PCLO: variants seen among roughly 807,000 people sequenced by gnomAD.
PCLO encodes piccolo presynaptic cytomatrix protein.
PCLO carries 82 observed loss-of-function variants against 427.5 expected under a neutral mutation model. That is an observed-to-expected ratio of 0.19 (90% CI 0.16 to 0.23). PCLO has a LOEUF of 0.23. PCLO is among the 10% of genes least tolerant of loss of function. The pLI is 1.00. For synonymous variants in PCLO, 2,357 were observed against 2,155.4 expected (o/e 1.09, Z -2.59); for missense variants, 6,239 against 6,115.9 (o/e 1.02, Z -0.67).
intron 3 of PCLO, among the ~76,000 whole-genome samples, chr7:82,975,719 T>C (rs937525971): frequency 1.3e-5 from 2 of 152,090 alleles, no homozygotes; most frequent in African/African-American, 2.4e-5. Flanking sequence ...CATTGTAAAA[T>C]GTAATCCCCA....
At chr7:82,921,320 A>G (rs1219522527) in intron 6 of PCLO, among the ~76,000 whole-genome samples, 3 of 151,740 alleles carry the variant, frequency 2.0e-5, no homozygotes, top group African/African-American at 4.8e-5. Flanking sequence ...AAACAAAGCT[A>G]GGGGCATTAT....
intron 3 of PCLO, among the ~76,000 whole-genome samples, chr7:83,055,847 A>T (rs947769906): frequency 1.6e-4 from 24 of 152,254 alleles, no homozygotes; most frequent in Non-Finnish European, 1.0e-4. Context: ...TTCAGGTCAA[A>T]TCTAAAAATG....
Position 83,036,174 on chromosome 7 carries a change from T to C in PCLO, c.3301-69687A>G, listed in dbSNP as rs776316671. Among the ~76,000 whole-genome samples the C allele has an allele frequency of 7.9e-4, 121 of 152,286 alleles. 1 individual carries two copies. Among genetic ancestry groups the C allele is most frequent in the East Asian group, 5.8e-4 (3 of 5,192 alleles). On this transcript the variant is annotated intron_variant, in intron 3 of 24. Transcript: ENST00000333891. ...CAATCTGTGAGGTGACCCTCAAATC[T>C]TACAAAACACCTTCTTAGCACAGTG...
rs1337584117 is a variant in PCLO, at chr7:83,162,398, C to T, written c.195G>A (p.Gly65=). The T allele has an allele frequency of 1.3e-6, 2 of 1,598,646 alleles. No individual in the cohort carries two copies. The highest frequency in any genetic ancestry group is 8.5e-7 in the Non-Finnish European group (1 of 1,172,508). Reference sequence around the variant, plus strand: ...CCGGGGGGACGCTTCCCTTGGGCAGCCCCTGCGCCCTTGACATGACAGCGG... The same window carrying T: ...CCGGGGGGACGCTTCCCTTGGGCAGTCCCTGCGCCCTTGACATGACAGCGG... ...QIAAVMSRAQ[G]LPKGSVPPAA... is the part of the protein sequence containing the mutation. The change falls in exon 1 of 25, where the codon GGG becomes GGA. Residue 65 remains glycine, a synonymous_variant. Coordinates refer to ENST00000333891, the MANE Select transcript of PCLO (RefSeq NM_033026.6).
chr7:83,038,023 A>ATATATATATATATATATATATATT (rs1562932918), intron 3 of PCLO, among the ~76,000 whole-genome samples: 1 of 52,824 alleles, frequency 1.9e-5, no homozygotes, highest in Admixed American at 3.1e-4. Context: ...ATATATATAT[A>ATATATATATATATATATATATATT]TATATATTTA....
intron 3 of PCLO, among the ~76,000 whole-genome samples, chr7:83,054,934 T>A (rs1789341246): frequency 6.6e-6 from 1 of 152,070 alleles, no homozygotes; most frequent in African/African-American, 2.4e-5. Context: ...TCTTAACTTT[T>A]CCTCCATTCC....
At position 82,957,100 on chromosome 7, in the gene PCLO, T is replaced by C. The variant is rs537807423; in HGVS notation, c.4018-165A>G. 2.6e-5 allele frequency among the ~76,000 whole-genome samples: 4 copies of C among 152,306 alleles called. No homozygotes were observed. In the South Asian group the frequency reaches 8.3e-4, roughly 32 times the overall value. ...AAGTTTGAGAAAAATATTGTTGATATGCGTTGGTAAGGTTAGTTTCCATTT... is the reference window on the plus strand; with the variant it reads ...AAGTTTGAGAAAAATATTGTTGATACGCGTTGGTAAGGTTAGTTTCCATTT... On this transcript the variant is annotated intron_variant, in intron 4 of 24. Coordinates refer to ENST00000333891, the MANE Select transcript of PCLO (RefSeq NM_033026.6).
intron 3 of PCLO, among the ~76,000 whole-genome samples, chr7:83,079,834 T>C (rs2371537): frequency 0.28 from 42,802 of 151,884 alleles, 7,139 homozygotes; most frequent in East Asian, 0.56. Context: ...GTATTAAGCC[T>C]AGCATGCATT....
intron 21 of PCLO, among the ~76,000 whole-genome samples, chr7:82,803,780 C>T (rs1304326585): frequency 1.3e-5 from 2 of 152,080 alleles, no homozygotes; most frequent in Non-Finnish European, 2.9e-5. Context: ...AAAAGAACTG[C>T]CAAATACTAC....
chr7:83,036,302 T>A (rs751118957), intron 3 of PCLO, among the ~76,000 whole-genome samples: 21 of 152,252 alleles, frequency 1.4e-4, no homozygotes, highest in Non-Finnish European at 1.6e-4. Flanking sequence ...TAGGTCTGGG[T>A]GGGGAAAGAG....
At chr7:83,030,139 A>AT (rs1788627976) in intron 3 of PCLO, among the ~76,000 whole-genome samples, 1 of 150,262 alleles carries the variant, frequency 6.7e-6, no homozygotes, top group Admixed American at 6.6e-5. Context: ...AAAAAAGAAA[A>AT]GAAAAGACTC....
At chr7:82,913,044 A>G (rs1794360541) in intron 7 of PCLO, among the ~76,000 whole-genome samples, 1 of 152,046 alleles carries the variant, frequency 6.6e-6, no homozygotes, top group Non-Finnish European at 1.5e-5. Context: ...TGTAAAAAGT[A>G]AGGAAATATT....
At chr7:82,998,687 C>T (rs1301969074) in intron 3 of PCLO, among the ~76,000 whole-genome samples, 1 of 151,856 alleles carries the variant, frequency 6.6e-6, no homozygotes, top group Non-Finnish European at 1.5e-5. Flanking sequence ...GCTTTCTCTG[C>T]CCCACACCTT....
chr7:83,152,085 C>T (rs1792148660), intron 2 of PCLO, among the ~76,000 whole-genome samples: 1 of 152,008 alleles, frequency 6.6e-6, no homozygotes, highest in Non-Finnish European at 1.5e-5. Context: ...CTGCTTCAGC[C>T]TCCCTAGTAG....
At chr7:82,776,700 C>T (rs925269524) in intron 22 of PCLO, among the ~76,000 whole-genome samples, 3 of 152,000 alleles carry the variant, frequency 2.0e-5, no homozygotes, top group Non-Finnish European at 4.4e-5. Context: ...GAGGCTGAAG[C>T]GGGAGAATCG....
chr7:83,056,283 C>T (rs891372378), intron 3 of PCLO, among the ~76,000 whole-genome samples: 3 of 152,090 alleles, frequency 2.0e-5, no homozygotes, highest in African/African-American at 7.2e-5. Context: ...AAAACAAATA[C>T]ATAGTGGACA....
intron 6 of PCLO, among the ~76,000 whole-genome samples, chr7:82,934,809 T>A (rs1428601974): frequency 6.6e-6 from 1 of 151,658 alleles, no homozygotes; most frequent in Non-Finnish European, 1.5e-5. Context: ...TGATAAAATA[T>A]ATTTTTATAT....
At chr7:82,935,574 C>T (rs1794932934) in intron 6 of PCLO, among the ~76,000 whole-genome samples, 1 of 151,490 alleles carries the variant, frequency 6.6e-6, no homozygotes, top group East Asian at 1.9e-4. Flanking sequence ...AAATCTATGT[C>T]TACACAAAGA....
At chr7:82,999,333 A>T (rs539697802) in intron 3 of PCLO, among the ~76,000 whole-genome samples, 2,141 of 137,906 alleles carry the variant, frequency 0.016, 67 homozygotes, top group African/African-American at 0.056. Context: ...TAATAAATAT[A>T]TCCATATATA....
Sources: gnomAD v4.1 joint callset for allele counts (sites outside exome capture counted in the v4.1 genomes callset) on GRCh38, gnomAD v4.1.1 for gene constraint, MANE v1.5 for transcripts, NCBI Gene and HGNC (gene_info 2026-07-23, HGNC 2026-07-21) for gene names.